Variants in FIGN observed in about 807,000 individuals in gnomAD.
FIGN encodes fidgetin.
Under a neutral mutation model 51.3 loss-of-function variants are expected in FIGN, and 11 were observed. The observed-to-expected ratio is 0.21, with a 90% CI of 0.13 to 0.35. The LOEUF (loss-of-function observed/expected upper bound fraction) is 0.35. FIGN is among the 10% of genes least tolerant of loss of function. The pLI is 1.00. For synonymous variants in FIGN, 407 were observed against 363.2 expected (o/e 1.12, Z -1.37); for missense variants, 857 against 943.6 (o/e 0.91, Z 1.20).
Position 163,609,992 on chromosome 2 carries a change from C to A in FIGN, c.1840G>T (p.Asp614Tyr). 6.2e-7 allele frequency: 1 copy of A among 1,614,082 alleles called. No individual in the cohort carries two copies. The highest frequency in any genetic ancestry group is 2.2e-5 in the East Asian group (1 of 44,858). Residue 614 changes from aspartate (D) to tyrosine (Y), a missense_variant, in exon 3 of 3, where the codon GAC becomes TAC. By Grantham distance (160) the Asp-to-Tyr change is radical (BLOSUM62 -3). Around this residue, in one of 3 missense-constraint regions of FIGN, gnomAD observed 799 missense variants for 849.5 expected, o/e 0.94. Transcript: ENST00000333129. ...RMRTEFLMQL[D>Y]TVLTSAEDQI... ...TCCTCAGCCGAAGTTAGTACAGTGT[C>A]CAGTTGCATCAGAAATTCGGTTCTC...
chr2:163,610,544 G>A lies in FIGN; in HGVS notation c.1288C>T (p.His430Tyr). Residue 430 changes from histidine (H) to tyrosine (Y), a missense_variant, in exon 3 of 3, where the codon CAT (histidine) becomes TAT (tyrosine). Around this residue, in one of 3 missense-constraint regions of FIGN, gnomAD observed 799 missense variants for 849.5 expected, o/e 0.94. Transcript: ENST00000333129. The stretch of plus-strand genomic sequence containing the variant: ...AGGAGCTGCCTGTGCTCGTCCCCAT[G>A]CTCACTCATTACTGGCGATGTGTAC... ...GKYTSPVMSE[H>Y]GDEHRQLLSH... 6.2e-7 allele frequency: 1 copy of A among 1,614,166 alleles called. No individual in the cohort carries two copies. The highest frequency in any genetic ancestry group is 1.6e-4 in the Middle Eastern group (1 of 6,062).
intron 2 of FIGN, among the ~76,000 whole-genome samples, chr2:163,710,354 T>C (rs969841): frequency 0.56 from 85,502 of 152,124 alleles, 26,461 homozygotes; most frequent in Admixed American, 0.69. Flanking sequence ...TTATGAAGAT[T>C]AGGCAACTGC....
At chr2:163,732,910 A>G (rs1006227024) in intron 2 of FIGN, among the ~76,000 whole-genome samples, 7 of 152,186 alleles carry the variant, frequency 4.6e-5, no homozygotes, top group Non-Finnish European at 7.3e-5. Flanking sequence ...CACACTTTTA[A>G]TTTGCAACAG....
At chr2:163,704,508 C>A (rs1301679880) in intron 2 of FIGN, among the ~76,000 whole-genome samples, 1 of 151,870 alleles carries the variant, frequency 6.6e-6, no homozygotes, top group African/African-American at 2.4e-5. Flanking sequence ...TTACATAGGC[C>A]AATTTTTATT....
rs940670194 is a variant in FIGN at position 163,607,856 on chromosome 2, G to GC, written c.*1695dup. 4.6e-5 allele frequency: 7 copies of GC among 152,556 alleles called. No individual in the cohort carries two copies. Among genetic ancestry groups the GC allele is most frequent in the African/African-American group, 1.7e-4 (7 of 41,416 alleles). The allele number at this position is 152,556 out of a possible 1,614,324, so 9.5% of individuals were successfully genotyped here. On this transcript the variant is annotated 3_prime_UTR_variant, in exon 3 of 3. Transcript: ENST00000333129. ...AGTTCAGAAGCATTGCCAAACATCA[G>GC]CCCACTATCAATGAAAGGTTGCACA... is the stretch of plus-strand genomic sequence containing the variant.
chr2:163,623,814 C>T (rs1475518235), intron 2 of FIGN, among the ~76,000 whole-genome samples: 1 of 152,096 alleles, frequency 6.6e-6, no homozygotes, highest in Admixed American at 6.6e-5. Context: ...AGTGCTTCTA[C>T]ACCCAGCCAT....
At chr2:163,665,214 A>G (rs1262799936) in intron 2 of FIGN, among the ~76,000 whole-genome samples, 5 of 152,330 alleles carry the variant, frequency 3.3e-5, no homozygotes, top group Middle Eastern at 3.4e-3. Flanking sequence ...GGCAGGGACT[A>G]TATATCCAGG....
At chr2:163,647,892 G>A (rs946956195) in intron 2 of FIGN, among the ~76,000 whole-genome samples, 4 of 152,042 alleles carry the variant, frequency 2.6e-5, no homozygotes, top group Non-Finnish European at 4.4e-5. Flanking sequence ...GTAGAGAGAC[G>A]GAGAGATAAG....
intron 2 of FIGN, among the ~76,000 whole-genome samples, chr2:163,641,695 A>C (rs920066177): frequency 6.6e-6 from 1 of 152,206 alleles, no homozygotes; most frequent in Non-Finnish European, 1.5e-5. Context: ...TTGCAATGGC[A>C]GCAAATGCCA....
chr2:163,632,133 A>C (rs1037509600), intron 2 of FIGN, among the ~76,000 whole-genome samples: 1 of 152,222 alleles, frequency 6.6e-6, no homozygotes. Context: ...AGGCAAGAAG[A>C]GCGAAACTCC....
chr2:163,694,258 G>T (rs1684283055), intron 2 of FIGN, among the ~76,000 whole-genome samples: 1 of 152,168 alleles, frequency 6.6e-6, no homozygotes, highest in Non-Finnish European at 1.5e-5. Context: ...AATGACAAGG[G>T]AGAATAAATG....
rs569606393 is a variant in FIGN at position 163,610,701 on chromosome 2, C to T, written c.1131G>A (p.Lys377=). The change falls in exon 3 of 3, where the codon AAG becomes AAA. Residue 377 remains lysine (K), a synonymous_variant. Coordinates refer to ENST00000333129, the MANE Select transcript of FIGN (RefSeq NM_018086.4). ...RSAETSSLAF[K]PTKQLMSSEQ... Reference sequence around the variant, plus strand: ...CAGAGGACATTAGCTGCTTCGTTGGCTTAAATGCTAAGGATGATGTTTCAG... The same window carrying T: ...CAGAGGACATTAGCTGCTTCGTTGGTTTAAATGCTAAGGATGATGTTTCAG... 6.2e-7 allele frequency: 1 copy of T among 1,614,176 alleles called. No individual in the cohort carries two copies. Among genetic ancestry groups the T allele is most frequent in the South Asian group, 1.1e-5 (1 of 91,084 alleles).
At chr2:163,715,410 C>T (rs547924005) in intron 2 of FIGN, among the ~76,000 whole-genome samples, 12 of 152,246 alleles carry the variant, frequency 7.9e-5, no homozygotes, top group East Asian at 3.9e-4. Context: ...ATGAGGAGGA[C>T]GCCTGTCCCC....
At chr2:163,726,719 A>G (rs1684843421) in intron 2 of FIGN, among the ~76,000 whole-genome samples, 2 of 152,086 alleles carry the variant, frequency 1.3e-5, no homozygotes, top group Admixed American at 1.3e-4. Flanking sequence ...CATTTAGATA[A>G]TCAAAACTGT....
intron 1 of FIGN, among the ~76,000 whole-genome samples, chr2:163,735,432 T>G (rs1685000151): frequency 6.6e-6 from 1 of 152,242 alleles, no homozygotes; most frequent in African/African-American, 2.4e-5. Flanking sequence ...TGCAAGATTC[T>G]TATTTACACT....
At chr2:163,688,890 C>G (rs1684195447) in intron 2 of FIGN, among the ~76,000 whole-genome samples, 1 of 152,120 alleles carries the variant, frequency 6.6e-6, no homozygotes, top group African/African-American at 2.4e-5. Context: ...AACAATGAGG[C>G]TGGGTGCAGT....
intron 1 of FIGN, among the ~76,000 whole-genome samples, chr2:163,735,558 G>T (rs1347595372): frequency 1.3e-5 from 2 of 152,066 alleles, no homozygotes; most frequent in Admixed American, 6.5e-5. Flanking sequence ...CCAATATAGC[G>T]AAAAGCGAGA....
At chr2:163,654,598 T>C (rs1156504006) in intron 2 of FIGN, among the ~76,000 whole-genome samples, 1 of 152,134 alleles carries the variant, frequency 6.6e-6, no homozygotes, top group Non-Finnish European at 1.5e-5. Flanking sequence ...TGAAATGGAT[T>C]GGGATGTTTC....
intron 2 of FIGN, among the ~76,000 whole-genome samples, chr2:163,719,061 A>C (rs773915174): frequency 5.3e-5 from 8 of 152,132 alleles, no homozygotes; most frequent in African/African-American, 1.9e-4. Flanking sequence ...TTTCCTGTTA[A>C]GGTGTTTTTT....
Sources: gnomAD v4.1 joint callset for allele counts (sites outside exome capture counted in the v4.1 genomes callset) on GRCh38, gnomAD v4.1.1 for gene constraint, gnomAD v4.1.1 regional missense constraint, MANE v1.5 for transcripts, NCBI Gene and HGNC (gene_info 2026-07-23, HGNC 2026-07-21) for gene names.